The following ARID5B variants were observed in gnomAD, a reference collection of about 807,000 sequenced individuals.
ARID5B encodes AT-rich interaction domain 5B.
ARID5B carries 13 observed loss-of-function variants against 97.2 expected under a neutral mutation model. That is an observed-to-expected ratio of 0.13 (90% CI 0.09 to 0.21). ARID5B has a LOEUF of 0.21. Among genes scored for constraint, ARID5B ranks in the 10% least tolerant of loss-of-function variants. The pLI is 1.00. For missense variants in ARID5B, 1,210 were observed against 1,465.3 expected, an observed-to-expected ratio of 0.83 and a Z score of 2.84; for synonymous variants, 556 against 570.3, an observed-to-expected ratio of 0.97 and a Z score of 0.36.
In ARID5B at chr10:62,072,198, T is replaced by A. The variant is rs1179749409; in HGVS notation, c.1199+2401T>A. 2.6e-5 allele frequency among the ~76,000 whole-genome samples: 4 copies of A among 152,294 alleles called. No individual in the cohort carries two copies. The East Asian group carries it at 7.7e-4, about 29-fold the overall frequency. The stretch of plus-strand genomic sequence containing the variant: ...GCTCAGAGGTGGAGCACTGCAGAGC[T>A]GGGCTGAAACCTGAGGAGGCGGTGC... On this transcript the variant is annotated intron_variant, in intron 8 of 9. Coordinates refer to ENST00000279873, the MANE Select transcript of ARID5B (RefSeq NM_032199.3).
At chr10:62,038,378 A>G (rs898290159) in intron 4 of ARID5B, among the ~76,000 whole-genome samples, 1 of 151,854 alleles carries the variant, frequency 6.6e-6, no homozygotes, top group Non-Finnish European at 1.5e-5. Flanking sequence ...TTTAAAAAAA[A>G]AAAAAGAAAA....
chr10:61,967,292 C>G (rs1838559352), intron 3 of ARID5B, among the ~76,000 whole-genome samples: 1 of 152,218 alleles, frequency 6.6e-6, no homozygotes, highest in Non-Finnish European at 1.5e-5. Context: ...GATATATCTT[C>G]CTAACTTGAC....
intron 8 of ARID5B, among the ~76,000 whole-genome samples, chr10:62,078,504 A>G (rs1175651558): frequency 6.6e-6 from 1 of 152,196 alleles, no homozygotes. Context: ...AATAATGTTC[A>G]TCTGCCCTTG....
At chr10:62,025,182 A>G (rs1449974075) in intron 4 of ARID5B, 1 of 152,244 alleles carries the variant, frequency 6.6e-6, no homozygotes, top group Admixed American at 6.5e-5. Context: ...TATATAAATC[A>G]ACTAAACTGG....
chr10:61,907,572 C>T (rs1308537517), intron 2 of ARID5B, among the ~76,000 whole-genome samples: 3 of 152,212 alleles, frequency 2.0e-5, no homozygotes, highest in Non-Finnish European at 4.4e-5. Flanking sequence ...ATAGTGGTTG[C>T]ACTTATAATA....
chr10:62,072,077 G>T (rs550340212), intron 8 of ARID5B, among the ~76,000 whole-genome samples: 1 of 152,312 alleles, frequency 6.6e-6, no homozygotes, highest in East Asian at 1.9e-4. Flanking sequence ...AGAGAGGTTG[G>T]TTGTCACCAC....
In ARID5B at chr10:62,091,470, C is replaced by T. The variant is rs763846197; in HGVS notation, c.2007C>T (p.Asn669=). Reference sequence around the variant, plus strand: ...ACCTGACTGGGCCCATGAACGAGAACCATGGACTTAATTACACGCCCCTGC... The same window carrying T: ...ACCTGACTGGGCCCATGAACGAGAATCATGGACTTAATTACACGCCCCTGC... ...DKDLTGPMNE[N]HGLNYTPLLY... Residue 669 remains asparagine, a synonymous_variant, in exon 10 of 10, where the codon AAC becomes AAT. Transcript: ENST00000279873. 11 of 1,612,238 alleles carry T rather than the reference C, an allele frequency of 6.8e-6. No homozygotes were observed. In the East Asian group the frequency reaches 1.8e-4, roughly 26 times the overall value.
At chr10:61,908,909 T>C (rs1216029389) in intron 2 of ARID5B, among the ~76,000 whole-genome samples, 1 of 152,056 alleles carries the variant, frequency 6.6e-6, no homozygotes, top group African/African-American at 2.4e-5. Flanking sequence ...CATCAGACTC[T>C]TTCCATCTGT....
intron 4 of ARID5B, chr10:62,046,770 T>C (rs1839713473): frequency 1.3e-5 from 2 of 149,942 alleles, no homozygotes; most frequent in South Asian, 2.2e-4. Flanking sequence ...TATGTAGGGC[T>C]CTCTGACTAA....
intron 3 of ARID5B, among the ~76,000 whole-genome samples, chr10:61,947,956 C>T (rs774240147): frequency 2.0e-5 from 3 of 152,158 alleles, no homozygotes; most frequent in Non-Finnish European, 4.4e-5. Flanking sequence ...CCTGCAGCCA[C>T]GAAAGCTTCT....
In ARID5B at chr10:62,093,352, G is replaced by C; in HGVS notation, c.*322G>C. ...AACTTAGAGGACCCCATCTGAGTTC[G>C]GATGGTCAGGAAACAATCTGGGCAA... On this transcript the variant is annotated 3_prime_UTR_variant, in exon 10 of 10. Transcript: ENST00000279873. The C allele has an allele frequency of 3.4e-6, 1 of 295,544 alleles. No homozygotes were observed. Among genetic ancestry groups the C allele is most frequent in the East Asian group, 5.1e-5 (1 of 19,572 alleles). 18.3% of individuals were successfully genotyped at this position (295,544 alleles called of 1,614,324 possible).
chr10:62,023,184 T>C (rs1839377726), intron 4 of ARID5B, among the ~76,000 whole-genome samples: 1 of 152,250 alleles, frequency 6.6e-6, no homozygotes, highest in African/African-American at 2.4e-5. Context: ...CACTTCTCTG[T>C]GGACGTGCTT....
At chr10:61,917,580 A>G (rs1843933197) in intron 2 of ARID5B, among the ~76,000 whole-genome samples, 1 of 151,956 alleles carries the variant, frequency 6.6e-6, no homozygotes, top group African/African-American at 2.4e-5. Flanking sequence ...TTTTTAAAAC[A>G]CTCTTTGTGG....
chr10:62,087,394 A>G (rs988203385), intron 9 of ARID5B, among the ~76,000 whole-genome samples: 1 of 150,524 alleles, frequency 6.6e-6, no homozygotes, highest in Non-Finnish European at 1.5e-5. Flanking sequence ...ATTATTTTTC[A>G]TATTAACAGG....
At chr10:61,972,581 A>G (rs1229035199) in intron 3 of ARID5B, among the ~76,000 whole-genome samples, 1 of 152,180 alleles carries the variant, frequency 6.6e-6, no homozygotes, top group Non-Finnish European at 1.5e-5. Flanking sequence ...GTAAATATTC[A>G]TCTGTAGCAT....
At chr10:62,087,987 C>T (rs1840315213) in intron 9 of ARID5B, among the ~76,000 whole-genome samples, 2 of 151,808 alleles carry the variant, frequency 1.3e-5, no homozygotes, top group South Asian at 2.1e-4. Context: ...GCCTCAGCCT[C>T]CCGAGTAGCT....
At position 61,903,833 on chromosome 10, in the gene ARID5B, C is replaced by A. The variant is rs553205940; in HGVS notation, c.276+1420C>A. On this transcript the variant is annotated intron_variant, in intron 2 of 9. Coordinates refer to ENST00000279873, the MANE Select transcript of ARID5B (RefSeq NM_032199.3). ...GGTTAATTACTGGAGTTCGTCGAAA[C>A]GTTCGCCCTCGAATCTGCCTTTTCG... Among the ~76,000 whole-genome samples the A allele has an allele frequency of 1.7e-3, 263 of 152,112 alleles. 2 individuals are homozygous for A. The highest frequency in any genetic ancestry group is 4.4e-3 in the Admixed American group (67 of 15,284).
chr10:61,964,790 T>A lies in ARID5B; in HGVS notation c.502+24382T>A, dbSNP rs117957815. On this transcript the variant is annotated intron_variant, in intron 3 of 9. Coordinates refer to ENST00000279873, the MANE Select transcript of ARID5B (RefSeq NM_032199.3). Reference sequence around the variant, plus strand: ...GAGAATGAATTTTTTAAATGTCTACTTAGTAAAAGATTTCTGAGATGCCTA... The same window carrying A: ...GAGAATGAATTTTTTAAATGTCTACATAGTAAAAGATTTCTGAGATGCCTA... Among the ~76,000 whole-genome samples, 1,445 of 152,364 alleles carry A rather than the reference T, an allele frequency of 9.5e-3. 12 individuals carry two copies. Among genetic ancestry groups the A allele is most frequent in the Non-Finnish European group, 0.013 (890 of 68,030 alleles).
At chr10:61,914,746 A>T (rs1719662902) in intron 2 of ARID5B, among the ~76,000 whole-genome samples, 1 of 152,240 alleles carries the variant, frequency 6.6e-6, no homozygotes, top group African/African-American at 2.4e-5. Context: ...AATTAAATAT[A>T]AATAAAATAT....
Sources: allele counts gnomAD v4.1 joint callset (sites outside exome capture counted in the v4.1 genomes callset), GRCh38; gene constraint gnomAD v4.1.1; transcripts MANE v1.5; gene names NCBI Gene and HGNC (gene_info 2026-07-23, HGNC 2026-07-21).